BRINP3: variants seen among roughly 807,000 people sequenced by gnomAD.
The protein encoded by BRINP3 is BMP/retinoic acid-inducible neural-specific protein 3.
Under a neutral mutation model 71.0 loss-of-function variants are expected in BRINP3, and 19 were observed. The observed-to-expected ratio is 0.27, with a 90% CI of 0.19 to 0.39. The LOEUF (loss-of-function observed/expected upper bound fraction) is 0.39, where lower values mean the gene tolerates loss of function less well. Ranked by LOEUF, BRINP3 falls within the 10% of genes least tolerant of loss-of-function variation. The pLI, the probability that BRINP3 is intolerant of heterozygous loss-of-function variation, is 1.00. For missense variants in BRINP3, 959 were observed against 940.8 expected, an observed-to-expected ratio of 1.02 and a Z score of -0.25; for synonymous variants, 380 against 337.7, an observed-to-expected ratio of 1.13 and a Z score of -1.37.
chr1:190,171,478 G>A (rs1466372009), intron 6 of BRINP3, among the ~76,000 whole-genome samples: 2 of 152,050 alleles, frequency 1.3e-5, no homozygotes, highest in African/African-American at 4.8e-5. Flanking sequence ...CTTTTCACCA[G>A]TCAATGTAAA....
In BRINP3 at chr1:190,404,390, C is replaced by A. The variant is rs1144530; in HGVS notation, c.236+50265G>T. ...TTTTGTATTGATGGACAAAAAGAACCTGGCCAAAATTATGTAATTATTGTT... is the reference window on the plus strand; with the variant it reads ...TTTTGTATTGATGGACAAAAAGAACATGGCCAAAATTATGTAATTATTGTT... On this transcript the variant is annotated intron_variant, in intron 2 of 7. Transcript: ENST00000367462. Among the ~76,000 whole-genome samples the A allele has an allele frequency of 7.9e-5, 12 of 151,960 alleles. No individual in the cohort carries two copies. In the South Asian group the frequency reaches 1.0e-3, roughly 13 times the overall value.
intron 6 of BRINP3, among the ~76,000 whole-genome samples, chr1:190,189,148 C>T (rs866275079): frequency 6.6e-6 from 1 of 152,104 alleles, no homozygotes; most frequent in Non-Finnish European, 1.5e-5. Flanking sequence ...AAGGATGATG[C>T]TGGCCTTGTT....
At chr1:190,336,687 G>A (rs548092177) in intron 2 of BRINP3, among the ~76,000 whole-genome samples, 8 of 152,016 alleles carry the variant, frequency 5.3e-5, no homozygotes, top group East Asian at 3.9e-4. Context: ...ACTGCAAAAC[G>A]TGCTCTTTCT....
At chr1:190,386,373 C>T (rs1047940370) in intron 2 of BRINP3, among the ~76,000 whole-genome samples, 7 of 151,326 alleles carry the variant, frequency 4.6e-5, no homozygotes, top group Non-Finnish European at 1.0e-4. Flanking sequence ...TGTTTTTCAT[C>T]TGTTTTTAAG....
chr1:190,271,947 G>T (rs1662146133), intron 3 of BRINP3, among the ~76,000 whole-genome samples: 1 of 151,466 alleles, frequency 6.6e-6, no homozygotes, highest in Admixed American at 6.6e-5. Context: ...AAGAAGTAGG[G>T]ATCACCATTT....
intron 2 of BRINP3, among the ~76,000 whole-genome samples, chr1:190,392,667 T>A (rs1033466767): frequency 1.3e-5 from 2 of 151,654 alleles, no homozygotes; most frequent in Non-Finnish European, 3.0e-5. Context: ...ACTTTCACAT[T>A]TTTTATATTT....
intron 2 of BRINP3, among the ~76,000 whole-genome samples, chr1:190,372,038 G>A (rs900330081): frequency 1.3e-5 from 2 of 152,088 alleles, no homozygotes; most frequent in African/African-American, 4.8e-5. Context: ...CAGTGAATAC[G>A]AGCATTTTAG....
At chr1:190,373,179 C>A (rs1669968612) in intron 2 of BRINP3, among the ~76,000 whole-genome samples, 1 of 152,108 alleles carries the variant, frequency 6.6e-6, no homozygotes, top group African/African-American at 2.4e-5. Context: ...CGCCTGAGGT[C>A]AGGAGTTCCA....
chr1:190,120,216 C>T (rs1229178767), intron 7 of BRINP3, among the ~76,000 whole-genome samples: 1 of 152,082 alleles, frequency 6.6e-6, no homozygotes, highest in African/African-American at 2.4e-5. Context: ...TTTTCTTATT[C>T]CCCTTCAGCA....
chr1:190,426,542 TCAAA>T (rs1446084377), intron 2 of BRINP3, among the ~76,000 whole-genome samples: 9 of 145,442 alleles, frequency 6.2e-5, no homozygotes, highest in Non-Finnish European at 9.1e-5. Flanking sequence ...ATGTTGGCAC[TCAAA>T]CAAACATTTT....
intron 2 of BRINP3, among the ~76,000 whole-genome samples, chr1:190,348,806 C>G (rs532198294): frequency 1.3e-5 from 2 of 152,136 alleles, no homozygotes; most frequent in African/African-American, 4.8e-5. Flanking sequence ...TCAGAGTTCA[C>G]ATTAACCTTA....
chr1:190,440,315 A>G (rs1674733720), intron 2 of BRINP3, among the ~76,000 whole-genome samples: 1 of 151,962 alleles, frequency 6.6e-6, no homozygotes, highest in South Asian at 2.1e-4. Flanking sequence ...GAAAAATTTG[A>G]TATCTTTATG....
chr1:190,422,207 C>T (rs904281191), intron 2 of BRINP3, among the ~76,000 whole-genome samples: 6 of 151,690 alleles, frequency 4.0e-5, no homozygotes, highest in African/African-American at 9.7e-5. Flanking sequence ...ATGCATGACA[C>T]GAAGCATTTA....
At chr1:190,193,439 G>A (rs1285300945) in intron 6 of BRINP3, among the ~76,000 whole-genome samples, 1 of 152,012 alleles carries the variant, frequency 6.6e-6, no homozygotes, top group Non-Finnish European at 1.5e-5. Flanking sequence ...GCTTTTAAGA[G>A]CCATGAGTAT....
At chr1:190,421,056 C>T (rs1379859744) in intron 2 of BRINP3, among the ~76,000 whole-genome samples, 1 of 151,640 alleles carries the variant, frequency 6.6e-6, no homozygotes, top group African/African-American at 2.4e-5. Context: ...CACCTTGGTA[C>T]TAACTATTCT....
chr1:190,318,582 AG>A (rs1393430189), intron 2 of BRINP3, among the ~76,000 whole-genome samples: 1 of 152,084 alleles, frequency 6.6e-6, no homozygotes, highest in Non-Finnish European at 1.5e-5. Flanking sequence ...GATTAGGGAA[AG>A]GTTTTGATTA....
At chr1:190,391,300 C>G (rs1374170554) in intron 2 of BRINP3, among the ~76,000 whole-genome samples, 1 of 151,644 alleles carries the variant, frequency 6.6e-6, no homozygotes, top group Non-Finnish European at 1.5e-5. Flanking sequence ...GGAGAATAAG[C>G]TTTTAGAATG....
In BRINP3 at chr1:190,451,187, GA is replaced by G. The variant is rs11427931; in HGVS notation, c.236+3467del. ...CAAAGAATGGTAGAAGTTAGGGAAA[GA>G]AAAAAAAAATTTTTGTTTTGAGTCA... On this transcript the variant is annotated intron_variant, in intron 2 of 7. Coordinates refer to ENST00000367462, the MANE Select transcript of BRINP3 (RefSeq NM_199051.3). 3.1e-4 allele frequency among the ~76,000 whole-genome samples: 47 copies of G among 150,830 alleles called. No homozygotes were observed. The East Asian group carries it at 3.9e-3, about 13-fold the overall frequency.
intron 3 of BRINP3, among the ~76,000 whole-genome samples, chr1:190,276,655 A>G (rs1662580491): frequency 6.6e-6 from 1 of 151,492 alleles, no homozygotes; most frequent in Non-Finnish European, 1.5e-5. Flanking sequence ...ATACACACAC[A>G]CACACATATA....
Sources: allele counts gnomAD v4.1 joint callset (sites outside exome capture counted in the v4.1 genomes callset), GRCh38; gene constraint gnomAD v4.1.1; transcripts MANE v1.5; gene names NCBI Gene and HGNC (gene_info 2026-07-23, HGNC 2026-07-21).